RABGAP1L: variants seen among roughly 807,000 people sequenced by gnomAD.
The protein encoded by RABGAP1L is RAB GTPase activating protein 1 like.
A neutral mutation model predicts 137.7 loss-of-function variants in RABGAP1L; 63 were observed. That is an observed-to-expected ratio of 0.46 (90% CI 0.37 to 0.56). The LOEUF (loss-of-function observed/expected upper bound fraction) is 0.56. Ranked by LOEUF, RABGAP1L falls within the 20% of genes least tolerant of loss-of-function variation. The probability of loss-of-function intolerance (pLI) is 0.00; values close to 1 mark genes in which losing one functional copy is unlikely to be tolerated. For missense variants in RABGAP1L, 1,095 were observed against 1,244.0 expected, an observed-to-expected ratio of 0.88 and a Z score of 1.80; for synonymous variants, 431 against 433.7, an observed-to-expected ratio of 0.99 and a Z score of 0.08.
In RABGAP1L at chr1:174,613,767, A is replaced by G. The variant is rs1418720035; in HGVS notation, c.1711-23608A>G. On this transcript the variant is annotated intron_variant, in intron 13 of 25. Transcript: ENST00000681986. ...TGTATTGGGTGCATATATATTTAGGATAGTTAGCTCTTCCTGTTGAATTGA... is the reference window on the plus strand; with the variant it reads ...TGTATTGGGTGCATATATATTTAGGGTAGTTAGCTCTTCCTGTTGAATTGA... 5.9e-5 allele frequency among the ~76,000 whole-genome samples: 9 copies of G among 152,286 alleles called. No individual in the cohort carries two copies. In the East Asian group the frequency reaches 7.7e-4, roughly 13 times the overall value.
chr1:174,170,459 C>T (rs754459275), intron 1 of RABGAP1L, among the ~76,000 whole-genome samples: 7 of 151,904 alleles, frequency 4.6e-5, no homozygotes, highest in Non-Finnish European at 8.8e-5. Context: ...GGGCAGATCA[C>T]GAGGTCAGGA....
intron 13 of RABGAP1L, among the ~76,000 whole-genome samples, chr1:174,452,168 C>T (rs903626538): frequency 5.3e-5 from 8 of 152,090 alleles, no homozygotes; most frequent in Non-Finnish European, 8.8e-5. Flanking sequence ...TTTTTCTCAT[C>T]ATTATATTGT....
At chr1:174,509,119 G>A (rs2147794542) in intron 13 of RABGAP1L, among the ~76,000 whole-genome samples, 1 of 152,210 alleles carries the variant, frequency 6.6e-6, no homozygotes, top group Admixed American at 6.5e-5. Context: ...TTGGAGTAAG[G>A]TAATTAAGTC....
Position 174,274,648 on chromosome 1 carries a change from GAA to G in RABGAP1L, c.1054-1183_1054-1182del, listed in dbSNP as rs1571875687. On this transcript the variant is annotated intron_variant, in intron 8 of 25. Coordinates refer to ENST00000681986, the MANE Select transcript of RABGAP1L (RefSeq NM_001366446.1). The stretch of plus-strand genomic sequence containing the variant: ...TGTGTGTGTGTGTGTGTAGAGGAGA[GAA>G]AGAGACCATTATCATATGAGTGTGT... Among the ~76,000 whole-genome samples the G allele has an allele frequency of 2.1e-5, 3 of 145,624 alleles. No individual in the cohort carries two copies. The East Asian group carries it at 5.9e-4, about 29-fold the overall frequency.
intron 18 of RABGAP1L, among the ~76,000 whole-genome samples, chr1:174,796,163 A>G (rs1688226772): frequency 6.6e-6 from 1 of 152,170 alleles, no homozygotes; most frequent in Admixed American, 6.5e-5. Context: ...ACTACTTTAT[A>G]ACTCAGAAAT....
intron 21 of RABGAP1L, among the ~76,000 whole-genome samples, chr1:174,974,881 C>A (rs1670513879): frequency 6.6e-6 from 1 of 152,102 alleles, no homozygotes; most frequent in Non-Finnish European, 1.5e-5. Flanking sequence ...GCTGGCCTGG[C>A]CCATCTGGAC....
intron 13 of RABGAP1L, among the ~76,000 whole-genome samples, chr1:174,614,028 C>T (rs548800852): frequency 5.9e-5 from 9 of 152,246 alleles, no homozygotes; most frequent in Non-Finnish European, 1.2e-4. Context: ...CAGTCTGTGT[C>T]TTTTAATTGG....
rs186875707 is a variant in RABGAP1L at position 174,890,324 on chromosome 1, A to T, written c.2341-67133A>T. On this transcript the variant is annotated intron_variant, in intron 19 of 25. Transcript: ENST00000681986. ...CCCTGTGAACTAACTGAAATGGGAT[A>T]TTCTATCTGCTTTTCTGAGTTGTAC... Among the ~76,000 whole-genome samples the T allele has an allele frequency of 7.1e-4, 108 of 152,262 alleles. 1 individual carries two copies. The highest frequency in any genetic ancestry group is 7.7e-4 in the East Asian group (4 of 5,176).
intron 19 of RABGAP1L, among the ~76,000 whole-genome samples, chr1:174,872,125 CT>C (rs1652302123): frequency 6.6e-6 from 1 of 151,578 alleles, no homozygotes. Flanking sequence ...ACTGGTTTTT[CT>C]TTTTTTAGTT....
At chr1:174,502,660 GTGTGTGTGTATATATACATATA>G (rs1348125653) in intron 13 of RABGAP1L, among the ~76,000 whole-genome samples, 1 of 147,484 alleles carries the variant, frequency 6.8e-6, no homozygotes, top group East Asian at 2.0e-4. Flanking sequence ...ACATATATAT[GTGTGTGTGTATATATACATATA>G]TGTGTGTGTA....
chr1:174,847,659 C>T (rs1306286800), intron 19 of RABGAP1L, among the ~76,000 whole-genome samples: 2 of 133,774 alleles, frequency 1.5e-5, no homozygotes, highest in African/African-American at 5.7e-5. Context: ...CTGCCCTTAA[C>T]ATTTTTTCCT....
At chr1:174,464,275 A>C (rs1463118375) in intron 13 of RABGAP1L, among the ~76,000 whole-genome samples, 1 of 152,130 alleles carries the variant, frequency 6.6e-6, no homozygotes, top group Non-Finnish European at 1.5e-5. Context: ...ATCCTTACAA[A>C]GTTATAATTT....
chr1:174,373,077 C>G (rs548322181), intron 12 of RABGAP1L, among the ~76,000 whole-genome samples: 28 of 152,320 alleles, frequency 1.8e-4, no homozygotes, highest in African/African-American at 6.7e-4. Flanking sequence ...CAAGCATTGT[C>G]CACCTAAATG....
chr1:174,526,453 G>A (rs1361941792), intron 13 of RABGAP1L, among the ~76,000 whole-genome samples: 1 of 152,118 alleles, frequency 6.6e-6, no homozygotes, highest in Non-Finnish European at 1.5e-5. Flanking sequence ...ACTCAGCAGT[G>A]AATCTCTCCA....
chr1:174,318,636 T>C (rs202246668), intron 11 of RABGAP1L, among the ~76,000 whole-genome samples: 16 of 125,666 alleles, frequency 1.3e-4, no homozygotes, highest in African/African-American at 3.7e-4. Flanking sequence ...TTCTTTCTTT[T>C]TCTTTCTTTT....
chr1:174,613,508 T>C (rs1342349599), intron 13 of RABGAP1L, among the ~76,000 whole-genome samples: 2 of 152,140 alleles, frequency 1.3e-5, no homozygotes, highest in African/African-American at 4.8e-5. Flanking sequence ...AGGTGTGGTT[T>C]GGTGCTGAAA....
intron 13 of RABGAP1L, among the ~76,000 whole-genome samples, chr1:174,475,424 C>T (rs1658397359): frequency 6.6e-6 from 1 of 151,980 alleles, no homozygotes; most frequent in Non-Finnish European, 1.5e-5. Context: ...GTGGACTCAT[C>T]CAGTGCTTTG....
At chr1:174,730,283 T>C (rs1682352818) in intron 17 of RABGAP1L, among the ~76,000 whole-genome samples, 2 of 151,952 alleles carry the variant, frequency 1.3e-5, no homozygotes, top group South Asian at 2.1e-4. Context: ...ATAGCAACAA[T>C]AGACACTGGA....
chr1:174,394,762 T>G (rs568469733), intron 13 of RABGAP1L, among the ~76,000 whole-genome samples: 2 of 152,054 alleles, frequency 1.3e-5, no homozygotes, highest in Non-Finnish European at 2.9e-5. Context: ...AAAATTTTAT[T>G]TTTTAATTTA....
Sources: gnomAD v4.1 joint callset for allele counts (sites outside exome capture counted in the v4.1 genomes callset) on GRCh38, gnomAD v4.1.1 for gene constraint, MANE v1.5 for transcripts, NCBI Gene and HGNC (gene_info 2026-07-23, HGNC 2026-07-21) for gene names.